Variants in NWD1 observed in about 807,000 individuals in gnomAD.
The protein encoded by NWD1 is NACHT domain- and WD repeat-containing protein 1.
Under a neutral mutation model 135.1 loss-of-function variants are expected in NWD1, and 129 were observed. That is an observed-to-expected ratio of 0.96 (90% CI 0.83 to 1.11). The LOEUF (loss-of-function observed/expected upper bound fraction) is 1.11. Ranked by LOEUF, NWD1 falls within the 50% of genes least tolerant of loss-of-function variation. The pLI is 0.00. For missense variants in NWD1, 1,740 were observed against 1,851.3 expected (o/e 0.94, Z 1.10); for synonymous variants, 773 against 786.0 (o/e 0.98, Z 0.28).
At position 16,750,036 on chromosome 19, in the gene NWD1, T is replaced by A. The variant is rs1568351115; in HGVS notation, c.1394T>A (p.Ile465Asn). ...PLNCPPRVHL[I>N]LSACSGALGV... is the part of the protein sequence containing the mutation. Reference sequence around the variant, plus strand: ...AACTGCCCCCCGAGGGTGCACCTCATCCTCTCAGCTTGCTCGGGGGCACTG... The same window carrying A: ...AACTGCCCCCCGAGGGTGCACCTCAACCTCTCAGCTTGCTCGGGGGCACTG... The change falls in exon 6 of 19, where the codon ATC (isoleucine) becomes AAC (asparagine). Residue 465 changes from isoleucine (I) to asparagine (N), a missense_variant. Transcript: ENST00000524140. The A allele has an allele frequency of 1.2e-6, 2 of 1,613,864 alleles. No homozygotes were observed. Among genetic ancestry groups the A allele is most frequent in the Non-Finnish European group, 1.7e-6 (2 of 1,179,952 alleles).
intron 1 of NWD1, among the ~76,000 whole-genome samples, chr19:16,721,172 C>T (rs1468298738): frequency 3.3e-5 from 5 of 151,814 alleles, no homozygotes; most frequent in South Asian, 2.1e-4. Context: ...TTAATTGTGA[C>T]GACTTTGGTG....
At chr19:16,789,707 C>T (rs1339400604) in intron 13 of NWD1, among the ~76,000 whole-genome samples, 1 of 147,056 alleles carries the variant, frequency 6.8e-6, no homozygotes, top group Non-Finnish European at 1.5e-5. Flanking sequence ...CTCTCTCTCT[C>T]CTCTCTCTCT....
intron 18 of NWD1, among the ~76,000 whole-genome samples, chr19:16,813,817 G>A (rs909297602): frequency 3.3e-5 from 5 of 151,454 alleles, no homozygotes; most frequent in Admixed American, 6.6e-5. Context: ...TGGAAACACC[G>A]TGTCTCTTGG....
intron 17 of NWD1, among the ~76,000 whole-genome samples, chr19:16,804,123 A>T (rs977266481): frequency 4.6e-5 from 7 of 152,030 alleles, no homozygotes; most frequent in Non-Finnish European, 8.8e-5. Context: ...CCAGAGGGAG[A>T]TGAGAAAATG....
Position 16,800,271 on chromosome 19 carries a change from C to T in NWD1, c.3736+109C>T, listed in dbSNP as rs577770710. On this transcript the variant is annotated intron_variant, in intron 17 of 18. Transcript: ENST00000524140. ...CCCACAGGCTGGGCCCCATGGCTCA[C>T]GCCTGTAATCCCAGGACTTTGGGAG... 39 of 1,130,126 alleles carry T rather than the reference C, an allele frequency of 3.5e-5. No homozygotes were observed. The East Asian group carries it at 6.4e-4, about 19-fold the overall frequency. 70.0% of individuals were successfully genotyped at this position (1,130,126 alleles called of 1,614,324 possible). A position where few individuals can be genotyped will look rare whatever the true frequency, so the allele number is the denominator to read the frequency against.
chr19:16,807,156 C>A (rs1970769766), intron 17 of NWD1, among the ~76,000 whole-genome samples: 1 of 148,898 alleles, frequency 6.7e-6, no homozygotes, highest in East Asian at 2.0e-4. Context: ...CCACTGCACT[C>A]CAGAATACTG....
At chr19:16,783,583 G>A (rs1473096211) in intron 12 of NWD1, among the ~76,000 whole-genome samples, 4 of 151,346 alleles carry the variant, frequency 2.6e-5, no homozygotes, top group Non-Finnish European at 5.9e-5. Context: ...GCAGTGAGCC[G>A]AGATCGCGCC....
intron 4 of NWD1, chr19:16,738,400 C>T (rs1039125960): frequency 2.3e-5 from 6 of 255,968 alleles, no homozygotes; most frequent in Non-Finnish European, 4.1e-5. Flanking sequence ...GAAACCCCAT[C>T]TCTACTAAAA....
At chr19:16,769,978 C>T (rs1045252752) in intron 10 of NWD1, among the ~76,000 whole-genome samples, 4 of 152,206 alleles carry the variant, frequency 2.6e-5, no homozygotes, top group African/African-American at 9.6e-5. Context: ...GCTGGGACCA[C>T]AGGTGCACAC....
intron 12 of NWD1, among the ~76,000 whole-genome samples, chr19:16,787,137 T>C (rs1644528317): frequency 6.6e-6 from 1 of 152,108 alleles, no homozygotes; most frequent in South Asian, 2.1e-4. Context: ...TATTTATTTA[T>C]TTATTTTGAG....
At chr19:16,775,300 T>TA (rs59783116) in intron 11 of NWD1, among the ~76,000 whole-genome samples, 7,142 of 150,974 alleles carry the variant, frequency 0.047, 518 homozygotes, top group African/African-American at 0.16. Flanking sequence ...TCAGATGTTG[T>TA]AAAAAAAAAT....
chr19:16,811,770 C>A (rs1369619698), intron 18 of NWD1, among the ~76,000 whole-genome samples: 1 of 152,098 alleles, frequency 6.6e-6, no homozygotes, highest in African/African-American at 2.4e-5. Context: ...TGGATCCATC[C>A]CCCTGTGGGG....
rs564680976 is a variant in NWD1, at chr19:16,744,441, C to T, written c.219C>T (p.Tyr73=). 130 of 1,535,602 alleles carry T rather than the reference C, an allele frequency of 8.5e-5. 1 individual carries two copies. In the African/African-American group the frequency reaches 1.2e-3, roughly 14 times the overall value. Reference sequence around the variant, plus strand: ...GCCAGGCCCTCATCGGTGATCAGTACGGCCCCTGTCTGATTCCCTCGCGGA... The same window carrying T: ...GCCAGGCCCTCATCGGTGATCAGTATGGCCCCTGTCTGATTCCCTCGCGGA... ...PAFVALIGDQ[Y]GPCLIPSRID... is the part of the protein sequence containing the mutation. Residue 73 remains tyrosine, a synonymous_variant, in exon 5 of 19, where the codon TAC becomes TAT. Transcript: ENST00000524140.
rs1401423566 is a variant in NWD1, at chr19:16,815,033, C to T, written c.4293C>T (p.Pro1431=). 7 of 1,613,766 alleles carry T rather than the reference C, an allele frequency of 4.3e-6. No homozygotes were observed. The highest frequency in any genetic ancestry group is 5.9e-6 in the Non-Finnish European group (7 of 1,179,800). Reference sequence around the variant, plus strand: ...CCTTCTCTTCACCCTTACAGGCACCCTGCTGACAGTCCAGTTTGTCCATGC... The same window carrying T: ...CCTTCTCTTCACCCTTACAGGCACCTTGCTGACAGTCCAGTTTGTCCATGC... ...KWKFEMSYTA[P]C is the part of the protein sequence containing the mutation. Residue 1431 remains proline, a synonymous_variant, in exon 19 of 19, where the codon CCC becomes CCT. Coordinates refer to ENST00000524140, the MANE Select transcript of NWD1 (RefSeq NM_001007525.5).
At chr19:16,733,352 C>T (rs1353644667) in intron 3 of NWD1, among the ~76,000 whole-genome samples, 3 of 151,846 alleles carry the variant, frequency 2.0e-5, no homozygotes. Context: ...GAAACCCCCT[C>T]TCTACTAAAA....
intron 6 of NWD1, among the ~76,000 whole-genome samples, chr19:16,754,944 T>C (rs1384139690): frequency 6.6e-6 from 1 of 152,194 alleles, no homozygotes; most frequent in African/African-American, 2.4e-5. Context: ...TTTCTCTATG[T>C]CCCATCGATA....
In NWD1 at chr19:16,763,642, C is replaced by A. The variant is rs186771431; in HGVS notation, c.2134-186C>A. On this transcript the variant is annotated intron_variant, in intron 8 of 18. Transcript: ENST00000524140. ...AGTCCCATGACCTCTGGCTTTGATT[C>A]TCTGAGTCCCAGATGTCGTCCTCTG... Among the ~76,000 whole-genome samples the A allele has an allele frequency of 2.6e-5, 4 of 152,314 alleles. No homozygotes were observed. In the East Asian group the frequency reaches 7.7e-4, roughly 29 times the overall value.
chr19:16,808,194 T>G, intron 18 of NWD1, 58 bp downstream of exon 18: 1 of 1,486,822 alleles, frequency 6.7e-7, no homozygotes, highest in East Asian at 2.3e-5. Context: ...AACTGATAGA[T>G]AGCCATCATT....
intron 13 of NWD1, among the ~76,000 whole-genome samples, chr19:16,790,462 CG>C (rs1201569638): frequency 2.2e-5 from 3 of 139,336 alleles, no homozygotes; most frequent in Admixed American, 1.6e-4. Context: ...ACTTGAAATT[CG>C]GGGGGTAGGG....
Sources: gnomAD v4.1 joint callset for allele counts (sites outside exome capture counted in the v4.1 genomes callset) on GRCh38, gnomAD v4.1.1 for gene constraint, MANE v1.5 for transcripts, NCBI Gene and HGNC (gene_info 2026-07-23, HGNC 2026-07-21) for gene names.